The following SF3B4 variants were observed in gnomAD, a reference collection of about 807,000 sequenced individuals.
SF3B4 encodes the protein SAP 49.
Under a neutral mutation model 34.3 loss-of-function variants are expected in SF3B4, and 3 were observed. The ratio of observed to expected loss-of-function variants is 0.09; its 90% CI spans 0.04 to 0.23. The LOEUF is 0.23. SF3B4 is among the 10% of genes least tolerant of loss of function. The pLI is 1.00. For missense variants in SF3B4, 283 were observed against 567.2 expected (o/e 0.50, Z 5.09); for synonymous variants, 216 against 207.8 (o/e 1.04, Z -0.34).
intron 4 of SF3B4, among the ~76,000 whole-genome samples, chr1:149,925,099 A>G (rs2092581495): frequency 6.6e-6 from 1 of 152,240 alleles, no homozygotes; most frequent in Non-Finnish European, 1.5e-5. Flanking sequence ...GAGAGATGCC[A>G]CTGATACAAA....
chr1:149,926,158 T>G lies in SF3B4; in HGVS notation c.707-116A>C. ...GTGAGCTCTTTCCCCCTCCTCCCAG[T>G]GCTCTAAAATCAAAAGCAATGTTAG... is the stretch of plus-strand genomic sequence containing the variant. On this transcript the variant is annotated intron_variant, in intron 3 of 5. Coordinates refer to ENST00000271628, the MANE Select transcript of SF3B4 (RefSeq NM_005850.5). The surrounding 1 kb of genome is among the most constrained non-coding windows in gnomAD (Gnocchi z 6.2). 1 of 690,388 alleles carries G rather than the reference T, an allele frequency of 1.4e-6. No individual in the cohort carries two copies. Among genetic ancestry groups the G allele is most frequent in the South Asian group, 2.1e-5 (1 of 48,534 alleles). The allele number at this position is 690,388 out of a possible 1,614,324, so 42.8% of individuals were successfully genotyped here. A position where few individuals can be genotyped will look rare whatever the true frequency, so the allele number is the denominator to read the frequency against.
chr1:149,927,505 G>T (rs587641710), intron 1 of SF3B4: 34 of 743,784 alleles, frequency 4.6e-5, no homozygotes, highest in East Asian at 4.3e-4. Flanking sequence ...GGGTTTTTTT[G>T]ATTTTTTGAG....
Position 149,925,941 on chromosome 1 carries a change from C to T in SF3B4, c.808G>A (p.Ala270Thr). Reference sequence around the variant, plus strand: ...GCCGATGGGGGGCCATGTCCTGCAGCCCCAGGAGGCATAGGTGGTGGGGGC... The same window carrying T: ...GCCGATGGGGGGCCATGTCCTGCAGTCCCAGGAGGCATAGGTGGTGGGGGC... ...AMPPPPMPPGAAGHGPPSAGT... is the reference protein window; with the variant it reads ...AMPPPPMPPGTAGHGPPSAGT... Residue 270 changes from alanine (A) to threonine (T), a missense_variant, in exon 4 of 6, where the codon GCT (alanine) becomes ACT (threonine). Physicochemically the swap from Ala to Thr is moderately conservative, Grantham distance 58. This residue lies in a region of SF3B4 where 208 missense variants were observed against 292.6 expected (regional missense o/e 0.71). Transcript: ENST00000271628. 1 of 1,558,642 alleles carries T rather than the reference C, an allele frequency of 6.4e-7. No homozygotes were observed. Among genetic ancestry groups the T allele is most frequent in the Non-Finnish European group, 8.7e-7 (1 of 1,149,396 alleles).
In SF3B4 at chr1:149,923,416, G is replaced by C. The variant is rs2092567334; in HGVS notation, c.*126C>G. On this transcript the variant is annotated 3_prime_UTR_variant, in exon 6 of 6. Transcript: ENST00000271628. ...CCTGTGGAAAAAGTTACATTAAAAAGGGGAATGGAGTGGGGGTGCTGAAAG... is the reference window on the plus strand; with the variant it reads ...CCTGTGGAAAAAGTTACATTAAAAACGGGAATGGAGTGGGGGTGCTGAAAG... The C allele has an allele frequency of 1.0e-5, 7 of 678,032 alleles. No individual in the cohort carries two copies. The highest frequency in any genetic ancestry group is 1.9e-5 in the African/African-American group (1 of 51,558). 42.0% of individuals were successfully genotyped at this position (678,032 alleles called of 1,614,324 possible).
Position 149,925,867 on chromosome 1 carries a change from G to C in SF3B4, c.882C>G (p.His294Gln). ...GGGGCATCCCACCCGGTGGGAATGG[G>C]TGAGGATGTGAGTGTCCATGACCAG... The part of the protein sequence containing the change: ...GHPGHGHSHP[H>Q]PFPPGGMPHP... The change falls in exon 4 of 6, where the codon CAC (histidine) becomes CAG (glutamine). Residue 294 changes from histidine (H) to glutamine (Q), a missense_variant. Physicochemically the swap from His to Gln is conservative, Grantham distance 24. Around this residue, in one of 4 missense-constraint regions of SF3B4, gnomAD observed 208 missense variants for 292.6 expected, o/e 0.71. Coordinates refer to ENST00000271628, the MANE Select transcript of SF3B4 (RefSeq NM_005850.5). The C allele has an allele frequency of 6.2e-7, 1 of 1,612,638 alleles. No individual in the cohort carries two copies. The highest frequency in any genetic ancestry group is 8.5e-7 in the Non-Finnish European group (1 of 1,179,134).
Position 149,926,294 on chromosome 1 carries a change from C to G in SF3B4, c.706+82G>C. 8.0e-7 allele frequency: 1 copy of G among 1,249,860 alleles called. No homozygotes were observed. Among genetic ancestry groups the G allele is most frequent in the East Asian group, 2.4e-5 (1 of 42,452 alleles). 77.4% of individuals were successfully genotyped at this position (1,249,860 alleles called of 1,614,324 possible). On this transcript the variant is annotated intron_variant, in intron 3 of 5. Coordinates refer to ENST00000271628, the MANE Select transcript of SF3B4 (RefSeq NM_005850.5). The surrounding 1 kb of genome is among the most constrained non-coding windows in gnomAD (Gnocchi z 6.2). ...AACTCACTGACTCAATGTCCCCTGTCCCCCTTTCAGACTTGTTTTCTTCTT... is the reference window on the plus strand; with the variant it reads ...AACTCACTGACTCAATGTCCCCTGTGCCCCTTTCAGACTTGTTTTCTTCTT...
In SF3B4 at chr1:149,926,406, A is replaced by T. The variant is rs370510477; in HGVS notation, c.676T>A (p.Ser226Thr). The change falls in exon 3 of 6, where the codon TCA (serine) becomes ACA (threonine). Residue 226 changes from serine (S) to threonine (T), a missense_variant. By Grantham distance (58) the Ser-to-Thr change is moderately conservative. Transcript: ENST00000271628. The surrounding 1 kb of genome is among the most constrained non-coding windows in gnomAD (Gnocchi z 6.2). ...GGAGGAAGCCCAGACCCCAATGATG[A>T]TACCACAGGATTGGGAGCAGAGGGT... ...PPPSAPNPVVSSLGSGLPPPG... is the reference protein window; with the variant it reads ...PPPSAPNPVVTSLGSGLPPPG... 5 of 1,612,664 alleles carry T rather than the reference A, an allele frequency of 3.1e-6. No individual in the cohort carries two copies. The highest frequency in any genetic ancestry group is 4.2e-6 in the Non-Finnish European group (5 of 1,178,964).
Position 149,923,528 on chromosome 1 carries a change from A to G in SF3B4, c.*14T>C, listed in dbSNP as rs997222954. Reference sequence around the variant, plus strand: ...ATATTGGGAAAATGTAACAGGAGGAAGGAAAATGTGAATTTACTGAGGGAG... The same window carrying G: ...ATATTGGGAAAATGTAACAGGAGGAGGGAAAATGTGAATTTACTGAGGGAG... On this transcript the variant is annotated 3_prime_UTR_variant, in exon 6 of 6. Transcript: ENST00000271628. 1 of 1,567,942 alleles carries G rather than the reference A, an allele frequency of 6.4e-7. No individual in the cohort carries two copies. The highest frequency in any genetic ancestry group is 1.2e-5 in the South Asian group (1 of 83,728).
rs1350830340 is a variant in SF3B4 at position 149,923,921 on chromosome 1, C to T, written c.1007G>A (p.Arg336Gln). 3 of 1,600,272 alleles carry T rather than the reference C, an allele frequency of 1.9e-6. No individual in the cohort carries two copies. The highest frequency in any genetic ancestry group is 1.8e-5 in the Admixed American group (1 of 56,568). The change falls in exon 5 of 6, where the codon CGA becomes CAA. Residue 336 changes from arginine (R) to glutamine (Q), a missense_variant. By Grantham distance (43) the Arg-to-Gln change is conservative. This residue lies in a region of SF3B4 where 208 missense variants were observed against 292.6 expected (regional missense o/e 0.71). Transcript: ENST00000271628. ...AGGATGAGGCATTCCAGGTGGTGGT[C>T]GGGGCGGTGGCTGGCCCCCAGAGCC... The part of the protein sequence containing the change: ...PPGSGGQPPP[R>Q]PPPGMPHPGP...
At chr1:149,924,714 T>C (rs1553765748) in intron 4 of SF3B4, among the ~76,000 whole-genome samples, 1 of 152,084 alleles carries the variant, frequency 6.6e-6, no homozygotes. Context: ...GATAAGATCA[T>C]GGGAAGAAAG....
At chr1:149,924,529 C>T (rs1380843957) in intron 4 of SF3B4, among the ~76,000 whole-genome samples, 6 of 152,170 alleles carry the variant, frequency 3.9e-5, no homozygotes, top group Admixed American at 3.9e-4. Context: ...CAACCAATTA[C>T]TCAATCAACT....
In SF3B4 at chr1:149,923,836, C is replaced by T. The variant is rs782148208; in HGVS notation, c.1087+5G>A. 5.7e-6 allele frequency: 9 copies of T among 1,585,190 alleles called. No individual in the cohort carries two copies. In the East Asian group the frequency reaches 1.4e-4, roughly 24 times the overall value. On this transcript the variant is annotated splice_donor_5th_base_variant and intron_variant, in intron 5 of 5. Transcript: ENST00000271628. ...AGATGAGGGAGGTGGCTAGAGCCGA[C>T]TTACCCATGGGAGATCCGAATGGAG...
Position 149,925,792 on chromosome 1 carries a change from C to T in SF3B4, c.913+44G>A, listed in dbSNP as rs377248759. On this transcript the variant is annotated intron_variant, in intron 4 of 5. Transcript: ENST00000271628. ...AGCAGGGTGAGTGGTAACAGAGATGCTCTACCAAGCTCTTCCCTCCCTTTC... is the reference window on the plus strand; with the variant it reads ...AGCAGGGTGAGTGGTAACAGAGATGTTCTACCAAGCTCTTCCCTCCCTTTC... 5 of 1,452,634 alleles carry T rather than the reference C, an allele frequency of 3.4e-6. No homozygotes were observed. The African/African-American group carries it at 7.0e-5, about 20-fold the overall frequency. 90.0% of individuals were successfully genotyped at this position (1,452,634 alleles called of 1,614,324 possible).
Position 149,926,031 on chromosome 1 carries a change from G to C in SF3B4, c.718C>G (p.Pro240Ala). The change falls in exon 4 of 6, where the codon CCT (proline) becomes GCT (alanine). Residue 240 changes from proline to alanine, a missense_variant. Physicochemically the swap from Pro to Ala is conservative, Grantham distance 27. Around this residue, in one of 4 missense-constraint regions of SF3B4, gnomAD observed 208 missense variants for 292.6 expected, o/e 0.71. Transcript: ENST00000271628. This position sits in a 1 kb window ranked among gnomAD's most constrained non-coding sequence, Gnocchi z 6.2. ...GGCACTGGGGGTGGGAAGGAGCCAG[G>C]AGGAGGCATGCCTATAGAGGAAATG... is the stretch of plus-strand genomic sequence containing the variant. ...SGLPPPGMPP[P>A]GSFPPPVPPP... 6.7e-7 allele frequency: 1 copy of C among 1,492,644 alleles called. No individual in the cohort carries two copies. Among genetic ancestry groups the C allele is most frequent in the South Asian group, 1.4e-5 (1 of 73,732 alleles). 92.5% of individuals were successfully genotyped at this position (1,492,644 alleles called of 1,614,324 possible). A position where few individuals can be genotyped will look rare whatever the true frequency, so the allele number is the denominator to read the frequency against.
At position 149,926,080 on chromosome 1, in the gene SF3B4, T is replaced by G; in HGVS notation, c.707-38A>C. 1 of 1,056,848 alleles carries G rather than the reference T, an allele frequency of 9.5e-7. No homozygotes were observed. Among genetic ancestry groups the G allele is most frequent in the Non-Finnish European group, 1.4e-6 (1 of 730,712 alleles). The allele number at this position is 1,056,848 out of a possible 1,614,324, so 65.5% of individuals were successfully genotyped here. A position where few individuals can be genotyped will look rare whatever the true frequency, so the allele number is the denominator to read the frequency against. ...TGGAAAAAGGAAGAGTTAATGGTAG[T>G]GAGGAGAAAATGTCTTTAAAGAGCC... On this transcript the variant is annotated intron_variant, in intron 3 of 5. Coordinates refer to ENST00000271628, the MANE Select transcript of SF3B4 (RefSeq NM_005850.5). The surrounding 1 kb of genome is among the most constrained non-coding windows in gnomAD (Gnocchi z 6.2).
In SF3B4 at chr1:149,926,504, C is replaced by T; in HGVS notation, c.578G>A (p.Arg193Gln). 6.2e-7 allele frequency: 1 copy of T among 1,614,166 alleles called. No individual in the cohort carries two copies. The highest frequency in any genetic ancestry group is 8.5e-7 in the Non-Finnish European group (1 of 1,180,032). ...GAGCGGGTTCTGAGCTGCCAGAAGTCGTTCGGCTGCTGAGCCATGGCGCTC... is the reference window on the plus strand; with the variant it reads ...GAGCGGGTTCTGAGCTGCCAGAAGTTGTTCGGCTGCTGAGCCATGGCGCTC... ...KGERHGSAAE[R>Q]LLAAQNPLSQ... Residue 193 changes from arginine (R) to glutamine (Q), a missense_variant, in exon 3 of 6, where the codon CGA (arginine) becomes CAA (glutamine). Arg to Gln is a conservative substitution (Grantham distance 43). Transcript: ENST00000271628. The surrounding 1 kb of genome is among the most constrained non-coding windows in gnomAD (Gnocchi z 6.2).
Position 149,926,019 on chromosome 1 carries a change from G to A in SF3B4, c.730C>T (p.Pro244Ser). ...GCTCCAGGAGGTGGCACTGGGGGTG[G>A]GAAGGAGCCAGGAGGAGGCATGCCT... ...PPGMPPPGSFPPPVPPPGALP... is the reference protein window; with the variant it reads ...PPGMPPPGSFSPPVPPPGALP... Residue 244 changes from proline to serine, a missense_variant, in exon 4 of 6, where the codon CCA becomes TCA. This residue lies in a region of SF3B4 where 208 missense variants were observed against 292.6 expected (regional missense o/e 0.71). Coordinates refer to ENST00000271628, the MANE Select transcript of SF3B4 (RefSeq NM_005850.5). The surrounding 1 kb of genome is among the most constrained non-coding windows in gnomAD (Gnocchi z 6.2). 6.7e-7 allele frequency: 1 copy of A among 1,500,190 alleles called. No individual in the cohort carries two copies. The highest frequency in any genetic ancestry group is 8.9e-7 in the Non-Finnish European group (1 of 1,120,496). 92.9% of individuals were successfully genotyped at this position (1,500,190 alleles called of 1,614,324 possible).
rs74124093 is a variant in SF3B4 at position 149,927,010 on chromosome 1, A to G, written c.164-92T>C. 2,115 of 1,464,736 alleles carry G rather than the reference A, an allele frequency of 1.4e-3. 27 individuals are homozygous for G. The African/African-American group carries it at 0.027, about 19-fold the overall frequency. The allele number at this position is 1,464,736 out of a possible 1,614,324, so 90.7% of individuals were successfully genotyped here. ...CTACCCTCTAATCACAAAGAACAAG[A>G]AAGAAACAACATCACTTTACTTAAG... On this transcript the variant is annotated intron_variant, in intron 2 of 5. Transcript: ENST00000271628.
At position 149,923,584 on chromosome 1, in the gene SF3B4, T is replaced by C. The variant is rs782759333; in HGVS notation, c.1233A>G (p.Pro411=). The C allele has an allele frequency of 1.0e-4, 161 of 1,557,350 alleles. No individual in the cohort carries two copies. Among genetic ancestry groups the C allele is most frequent in the Non-Finnish European group, 1.3e-4 (152 of 1,162,386 alleles). ...CTCGAAGTGGGCCTCGAGGGGGAAC[T>C]GGTGGCCGGGGAGTGGGTCTGGGTG... ...LPPPRPTPRP[P]VPPRGPLRGP... is the part of the protein sequence containing the mutation. The change falls in exon 6 of 6, where the codon CCA becomes CCG. Residue 411 remains proline, a synonymous_variant. Coordinates refer to ENST00000271628, the MANE Select transcript of SF3B4 (RefSeq NM_005850.5).
Sources: gnomAD v4.1 joint callset for allele counts (sites outside exome capture counted in the v4.1 genomes callset) on GRCh38, gnomAD v4.1.1 for gene constraint, gnomAD v4.1.1 regional missense constraint, Gnocchi (gnomAD v3.1) non-coding constraint, MANE v1.5 for transcripts, NCBI Gene and HGNC (gene_info 2026-07-23, HGNC 2026-07-21) for gene names.